Variants in TMEM143 observed in about 807,000 individuals in gnomAD.
The protein encoded by TMEM143 is transmembrane protein 143.
A neutral mutation model predicts 40.3 loss-of-function variants in TMEM143; 45 were observed. The observed-to-expected ratio is 1.12, with a 90% CI of 0.88 to 1.43. The LOEUF is 1.43. TMEM143 is among the 40% of genes most tolerant of loss of function. The probability of loss-of-function intolerance (pLI) is 0.00; values close to 1 mark genes in which losing one functional copy is unlikely to be tolerated. For synonymous variants in TMEM143, 299 were observed against 282.7 expected (o/e 1.06, Z -0.58); for missense variants, 620 against 613.4 (o/e 1.01, Z -0.11).
At chr19:48,358,699 A>G (rs1278605116) in intron 3 of TMEM143, among the ~76,000 whole-genome samples, 8 of 152,152 alleles carry the variant, frequency 5.3e-5, no homozygotes, top group Non-Finnish European at 5.9e-5. Context: ...CCCTTGTCGG[A>G]GCTTCCATTA....
At chr19:48,336,531 AT>A (rs1414051432) in intron 6 of TMEM143, among the ~76,000 whole-genome samples, 3 of 148,922 alleles carry the variant, frequency 2.0e-5, no homozygotes, top group African/African-American at 7.8e-5. Flanking sequence ...TCTCAAAAAA[AT>A]AAATAAATAA....
At chr19:48,335,321 G>A (rs141519324) in intron 6 of TMEM143, among the ~76,000 whole-genome samples, 1,608 of 152,344 alleles carry the variant, frequency 0.011, 8 homozygotes, top group Admixed American at 0.018. Flanking sequence ...GCTCAGGCCT[G>A]TAATCCCAAC....
intron 3 of TMEM143, among the ~76,000 whole-genome samples, chr19:48,357,236 C>T (rs1268713195): frequency 6.6e-6 from 1 of 151,764 alleles, no homozygotes; most frequent in Non-Finnish European, 1.5e-5. Context: ...GGATTACAGG[C>T]GTGAGTCACC....
chr19:48,343,309 G>T lies in TMEM143; in HGVS notation c.695+12C>A, dbSNP rs759192659. The T allele has an allele frequency of 2.8e-5, 45 of 1,608,178 alleles. No individual in the cohort carries two copies. The highest frequency in any genetic ancestry group is 3.7e-5 in the Non-Finnish European group (44 of 1,178,322). On this transcript the variant is annotated intron_variant, in intron 5 of 7. Coordinates refer to ENST00000293261, the MANE Select transcript of TMEM143 (RefSeq NM_018273.4). ...CCCTCTTGCTGCAGCTGGGGAACAA[G>T]GGCCGCCTCACCTCTCCGCAGGGGG...
intron 6 of TMEM143, among the ~76,000 whole-genome samples, chr19:48,340,460 C>T (rs1483321588): frequency 6.6e-6 from 1 of 151,804 alleles, no homozygotes; most frequent in Non-Finnish European, 1.5e-5. Context: ...TTTGGGGTTT[C>T]ACTATGTTGC....
chr19:48,334,122 A>G lies in TMEM143; in HGVS notation c.1051T>C (p.Ser351Pro). ...AGGGCCAGGGCGCTGAGCAGCTCCG[A>G]GTTGTTGGACGTACTGCGATAGTAC... ...MLYYRSTSNN[S>P]ELLSALALRA... is the part of the protein sequence containing the mutation. Residue 351 changes from serine to proline, a missense_variant, in exon 7 of 8, where the codon TCG becomes CCG. Ser to Pro is a moderately conservative substitution (Grantham distance 74). Transcript: ENST00000293261. The G allele has an allele frequency of 6.2e-7, 1 of 1,605,974 alleles. No individual in the cohort carries two copies.
rs1600934207 is a variant in TMEM143, at chr19:48,363,528, G to A, written c.27C>T (p.Leu9=). ...GCAGCATGGCTAGACCCTTTCCCCGGAGCCTAAACAGAGGAAAATGGGCAG... is the reference window on the plus strand; with the variant it reads ...GCAGCATGGCTAGACCCTTTCCCCGAAGCCTAAACAGAGGAAAATGGGCAG... MTVELWLR[L]RGKGLAMLHV... is the part of the protein sequence containing the mutation. Residue 9 remains leucine (L), a synonymous_variant, in exon 2 of 8, where the codon CTC becomes CTT. Coordinates refer to ENST00000293261, the MANE Select transcript of TMEM143 (RefSeq NM_018273.4). The A allele has an allele frequency of 1.3e-6, 2 of 1,598,824 alleles. No homozygotes were observed. Among genetic ancestry groups the A allele is most frequent in the Non-Finnish European group, 1.7e-6 (2 of 1,171,970 alleles).
At position 48,344,312 on chromosome 19, in the gene TMEM143, C is replaced by T. The variant is rs891080053; in HGVS notation, c.564+848G>A. On this transcript the variant is annotated intron_variant, in intron 4 of 7. Transcript: ENST00000293261. ...GTTTTGTTTTTTTGAGACAGGTTCT[C>T]AATTTGTCATCCAGGCTGGAGTGCA... 6.6e-5 allele frequency among the ~76,000 whole-genome samples: 10 copies of T among 151,354 alleles called. No homozygotes were observed. The East Asian group carries it at 1.2e-3, about 18-fold the overall frequency.
At chr19:48,363,633 G>A (rs768577025) in intron 1 of TMEM143, 102 bp from the exon 2 acceptor site, 5 of 1,483,826 alleles carry the variant, frequency 3.4e-6, no homozygotes, top group Middle Eastern at 1.8e-4. Context: ...ACCCCAGGCA[G>A]GGCGCAGAGC....
At position 48,345,205 on chromosome 19, in the gene TMEM143, G is replaced by T; in HGVS notation, c.519C>A (p.Thr173=). 1 of 1,613,620 alleles carries T rather than the reference G, an allele frequency of 6.2e-7. No homozygotes were observed. Among genetic ancestry groups the T allele is most frequent in the Non-Finnish European group, 8.5e-7 (1 of 1,179,774 alleles). The change falls in exon 4 of 8, where the codon ACC becomes ACA. Residue 173 remains threonine, a synonymous_variant. Transcript: ENST00000293261. ...QANFSPLSED[T]LAYALVVHHP... ...GGTGGACCACCAGCGCGTAGGCCAG[G>T]GTGTCCTCAGACAGCGGGGAGAAGT...
intron 3 of TMEM143, among the ~76,000 whole-genome samples, chr19:48,348,952 G>A (rs1440323643): frequency 6.6e-6 from 1 of 152,056 alleles, no homozygotes; most frequent in Non-Finnish European, 1.5e-5. Context: ...GAGAGAAGAG[G>A]ATTGCTTGAG....
chr19:48,334,928 A>C (rs1326627200), intron 6 of TMEM143, among the ~76,000 whole-genome samples: 1 of 152,160 alleles, frequency 6.6e-6, no homozygotes, highest in Non-Finnish European at 1.5e-5. Flanking sequence ...CAGTGGCTCC[A>C]AGACCACCAG....
chr19:48,359,537 T>C (rs1192713144), intron 3 of TMEM143, among the ~76,000 whole-genome samples: 2 of 136,256 alleles, frequency 1.5e-5, no homozygotes, highest in East Asian at 4.4e-4. Context: ...AGACAGAGTT[T>C]CCTCAGTCGC....
At chr19:48,336,791 C>T (rs535528731) in intron 6 of TMEM143, among the ~76,000 whole-genome samples, 6 of 151,722 alleles carry the variant, frequency 4.0e-5, no homozygotes, top group African/African-American at 9.7e-5. Flanking sequence ...GTCAGAAGAT[C>T]AAGACCACGA....
chr19:48,343,282 C>T, intron 5 of TMEM143, 39 bp downstream of exon 5: 1 of 1,597,450 alleles, frequency 6.3e-7, no homozygotes, highest in Non-Finnish European at 8.5e-7. Context: ...TCTAACCTTG[C>T]TCCCTCTTGC....
chr19:48,348,310 T>C (rs497775), intron 3 of TMEM143, among the ~76,000 whole-genome samples: 112,598 of 151,972 alleles, frequency 0.74, 42,007 homozygotes, highest in Admixed American at 0.84. Flanking sequence ...GTGATCCCTG[T>C]TGCTCCCTTC....
At chr19:48,335,671 C>T (rs756501015) in intron 6 of TMEM143, among the ~76,000 whole-genome samples, 1 of 151,994 alleles carries the variant, frequency 6.6e-6, no homozygotes, top group Non-Finnish European at 1.5e-5. Context: ...TGCAGTGAGC[C>T]GAGATCATGC....
intron 3 of TMEM143, chr19:48,359,798 C>T (rs1022772850): frequency 3.9e-5 from 13 of 335,338 alleles, no homozygotes; most frequent in East Asian, 7.4e-5. Context: ...TGAGCCACCG[C>T]GCCCGACCCA....
In TMEM143 at chr19:48,335,493, G is replaced by A. The variant is rs150730684; in HGVS notation, c.976-1296C>T. Among the ~76,000 whole-genome samples the A allele has an allele frequency of 4.6e-5, 7 of 152,290 alleles. No homozygotes were observed. In the East Asian group the frequency reaches 1.4e-3, roughly 29 times the overall value. ...TAATCCCAGCACTTTGGGAGGCCAA[G>A]GCAGGTGAATCACCTGAGGTTGGAA... On this transcript the variant is annotated intron_variant, in intron 6 of 7. Coordinates refer to ENST00000293261, the MANE Select transcript of TMEM143 (RefSeq NM_018273.4).
Sources: allele counts gnomAD v4.1 joint callset (sites outside exome capture counted in the v4.1 genomes callset), GRCh38; gene constraint gnomAD v4.1.1; transcripts MANE v1.5; gene names NCBI Gene and HGNC (gene_info 2026-07-23, HGNC 2026-07-21).